The following PRRC2A variants were observed in gnomAD, a reference collection of about 807,000 sequenced individuals.
PRRC2A encodes protein PRRC2A.
A neutral mutation model predicts 224.6 loss-of-function variants in PRRC2A; 59 were observed. The observed-to-expected ratio is 0.26, with a 90% confidence interval of 0.21 to 0.33. The LOEUF (loss-of-function observed/expected upper bound fraction) is 0.33. Among genes scored for constraint, PRRC2A ranks in the 10% least tolerant of loss-of-function variants. The pLI is 1.00. For synonymous variants in PRRC2A, 1,194 were observed against 1,109.5 expected (o/e 1.08, Z -1.51); for missense variants, 3,095 against 2,880.7 (o/e 1.07, Z -1.70).
At chr6:31,626,558 G>GA (rs74270834) in intron 9 of PRRC2A, among the ~76,000 whole-genome samples, 152 of 141,536 alleles carry the variant, frequency 1.1e-3, no homozygotes, top group South Asian at 4.3e-3. Flanking sequence ...CTTTTAAAAG[G>GA]AAAAAAAAAA....
chr6:31,628,091 C>A lies in PRRC2A; in HGVS notation c.1617C>A (p.Ala539=). The change falls in exon 12 of 31, where the codon GCC becomes GCA. Residue 539 remains alanine, a synonymous_variant. Transcript: ENST00000376033. ...CTCCAGCTCCACCTCCAGCATCAGC[C>A]CCAACACCAGAGACAGAACCTGAAG... ...PAPPAPPPAS[A]PTPETEPEEP... 1.9e-6 allele frequency: 3 copies of A among 1,613,104 alleles called. No individual in the cohort carries two copies. Among genetic ancestry groups the A allele is most frequent in the Non-Finnish European group, 2.5e-6 (3 of 1,179,956 alleles).
In PRRC2A at chr6:31,627,072, T is replaced by C. The variant is rs1324302612; in HGVS notation, c.1164T>C (p.Pro388=). The change falls in exon 11 of 31, where the codon CCT becomes CCC. Residue 388 remains proline (P), a synonymous_variant. Transcript: ENST00000376033. This position sits in a 1 kb window ranked among gnomAD's most constrained non-coding sequence, Gnocchi z 5.6. ...GNSPNSEPPT[P]KTAWAETSRP... is the part of the protein sequence containing the mutation. ...CCCCCAACAGCGAACCGCCCACTCCTAAGACGGCCTGGGCAGAAACCTCTC... is the reference window on the plus strand; with the variant it reads ...CCCCCAACAGCGAACCGCCCACTCCCAAGACGGCCTGGGCAGAAACCTCTC... 6.2e-7 allele frequency: 1 copy of C among 1,614,174 alleles called. No homozygotes were observed. Among genetic ancestry groups the C allele is most frequent in the Non-Finnish European group, 8.5e-7 (1 of 1,180,030 alleles).
Position 31,632,952 on chromosome 6 carries a change from C to T in PRRC2A, c.4279C>T (p.Arg1427Ter). The change falls in exon 16 of 31, where the codon CGA becomes TGA. Residue 1427 changes from arginine (R) to a stop codon, truncating the protein, a stop_gained. Transcript: ENST00000376033. LOFTEE classifies it high-confidence loss of function. ...GGPGGRTGPGRGDKRSWPSPK... is the reference protein window; with the variant it reads ...GGPGGRTGPG The stretch of plus-strand genomic sequence containing the variant: ...TCCTGGAGGAAGGACCGGGCCAGGA[C>T]GAGGCGACAAGAGGAGCTGGCCCTC... 6.2e-7 allele frequency: 1 copy of T among 1,605,200 alleles called. No individual in the cohort carries two copies. The highest frequency in any genetic ancestry group is 8.5e-7 in the Non-Finnish European group (1 of 1,175,222).
At chr6:31,633,689 G>C in intron 17 of PRRC2A, 42 bp downstream of exon 17, 1 of 1,573,148 alleles carries the variant, frequency 6.4e-7, no homozygotes, top group Non-Finnish European at 8.6e-7. Context: ...TCCATCCCCA[G>C]AGAAGGTCAA....
chr6:31,634,277 T>G lies in PRRC2A; in HGVS notation c.4761T>G (p.Ser1587=). ...CTCATAGCTCTGGATTCTTGGGCTC[T>G]AAGCCTGAGGGCCCAGGCCCTCAGG... ...PPPHSSGFLG[S]KPEGPGPQAE... is the part of the protein sequence containing the mutation. The change falls in exon 19 of 31, where the codon TCT becomes TCG. Residue 1587 remains serine (S), a synonymous_variant. Coordinates refer to ENST00000376033, the MANE Select transcript of PRRC2A (RefSeq NM_004638.4). 1 of 1,603,904 alleles carries G rather than the reference T, an allele frequency of 6.2e-7. No individual in the cohort carries two copies. Among genetic ancestry groups the G allele is most frequent in the Non-Finnish European group, 8.5e-7 (1 of 1,177,890 alleles).
rs1362344654 is a variant in PRRC2A at position 31,636,551 on chromosome 6, T to C, written c.5877T>C (p.Thr1959=). Residue 1959 remains threonine (T), a synonymous_variant, in exon 27 of 31, where the codon ACT becomes ACC. Transcript: ENST00000376033. This position sits in a 1 kb window ranked among gnomAD's most constrained non-coding sequence, Gnocchi z 4.3. ...CATCCCCTTCGGATTTTTATTCTAC[T>C]CCTCTGCAGCCTGGTGGCCAAAGTG... ...DLPSPSDFYS[T]PLQPGGQSGF... is the part of the protein sequence containing the mutation. 2 of 1,608,974 alleles carry C rather than the reference T, an allele frequency of 1.2e-6. No homozygotes were observed.
At chr6:31,628,295 A>C in intron 12 of PRRC2A, 56 bp downstream of exon 12, 2 of 1,550,566 alleles carry the variant, frequency 1.3e-6, no homozygotes, top group Non-Finnish European at 1.7e-6. Context: ...CAAGGTGCTT[A>C]AAGGTGCAGG....
Position 31,631,914 on chromosome 6 carries a change from G to A in PRRC2A, c.3241G>A (p.Gly1081Ser), listed in dbSNP as rs1776643293. The A allele has an allele frequency of 6.2e-7, 1 of 1,612,572 alleles. No individual in the cohort carries two copies. The highest frequency in any genetic ancestry group is 8.5e-7 in the Non-Finnish European group (1 of 1,179,896). Residue 1081 changes from glycine to serine, a missense_variant, in exon 16 of 31, where the codon GGC becomes AGC. Transcript: ENST00000376033. This position sits in a 1 kb window ranked among gnomAD's most constrained non-coding sequence, Gnocchi z 4.5. ...ACCAAACCACCCTCCTGCTCCCCGAGGCCGCACTGCCAGCGAGACACGGAG... is the reference window on the plus strand; with the variant it reads ...ACCAAACCACCCTCCTGCTCCCCGAAGCCGCACTGCCAGCGAGACACGGAG... ...GGPNHPPAPR[G>S]RTASETRSEG... is the part of the protein sequence containing the mutation.
Position 31,635,588 on chromosome 6 carries a change from C to G in PRRC2A, c.5380C>G (p.Pro1794Ala), listed in dbSNP as rs775587832. 4 of 1,610,974 alleles carry G rather than the reference C, an allele frequency of 2.5e-6. No homozygotes were observed. The highest frequency in any genetic ancestry group is 1.3e-5 in the African/African-American group (1 of 75,012). The change falls in exon 24 of 31, where the codon CCT becomes GCT. Residue 1794 changes from proline to alanine, a missense_variant. Transcript: ENST00000376033. Reference sequence around the variant, plus strand: ...CGAGGCCTCTCCTTCCCAGGCCATTCCTGTATCACGAGACTGGGAGCTGCT... The same window carrying G: ...CGAGGCCTCTCCTTCCCAGGCCATTGCTGTATCACGAGACTGGGAGCTGCT... ...ELTASVTEAI[P>A]VSRDWELLPS...
rs1300950947 is a variant in PRRC2A, at chr6:31,636,031, C to T, written c.5606C>T (p.Pro1869Leu). Reference sequence around the variant, plus strand: ...AGTGGAGGCTTCCGCCCTGGGACACCCTCACTGCACCCTTACAGGTAAGAC... The same window carrying T: ...AGTGGAGGCTTCCGCCCTGGGACACTCTCACTGCACCCTTACAGGTAAGAC... ...PNSGGFRPGT[P>L]SLHPYRSQPL... Residue 1869 changes from proline to leucine, a missense_variant, in exon 25 of 31, where the codon CCC becomes CTC. By Grantham distance (98) the Pro-to-Leu change is moderately conservative (BLOSUM62 -3). Transcript: ENST00000376033. This position sits in a 1 kb window ranked among gnomAD's most constrained non-coding sequence, Gnocchi z 4.3. 5 of 1,612,494 alleles carry T rather than the reference C, an allele frequency of 3.1e-6. No homozygotes were observed. The highest frequency in any genetic ancestry group is 2.5e-6 in the Non-Finnish European group (3 of 1,178,560).
Position 31,625,433 on chromosome 6 carries a change from CCT to C in PRRC2A, c.608-20_608-19del, listed in dbSNP as rs1233900017. 1.2e-6 allele frequency: 2 copies of C among 1,604,298 alleles called. No individual in the cohort carries two copies. Among genetic ancestry groups the C allele is most frequent in the South Asian group, 2.2e-5 (2 of 90,848 alleles). On this transcript the variant is annotated intron_variant, in intron 6 of 30. Coordinates refer to ENST00000376033, the MANE Select transcript of PRRC2A (RefSeq NM_004638.4). This position sits in a 1 kb window ranked among gnomAD's most constrained non-coding sequence, Gnocchi z 4.1. ...TTCACTTGTCCTCCAATCATTGATA[CCT>C]CTCTCTACCTTTTCCAAAATACAGA... is the stretch of plus-strand genomic sequence containing the variant.
chr6:31,627,940 A>G lies in PRRC2A; in HGVS notation c.1466A>G (p.Lys489Arg), dbSNP rs758433553. The G allele has an allele frequency of 1.2e-6, 2 of 1,613,048 alleles. No homozygotes were observed. The highest frequency in any genetic ancestry group is 1.3e-5 in the African/African-American group (1 of 75,052). Reference sequence around the variant, plus strand: ...GAGCGCCGGGCAGCCTGTGCTGAGAAGCTCAAGCGACTCGATGAAAAGTTT... The same window carrying G: ...GAGCGCCGGGCAGCCTGTGCTGAGAGGCTCAAGCGACTCGATGAAAAGTTT... ...QEERRAACAE[K>R]LKRLDEKFGA... The change falls in exon 12 of 31, where the codon AAG becomes AGG. Residue 489 changes from lysine to arginine, a missense_variant. Lys to Arg is a conservative substitution (Grantham distance 26). Coordinates refer to ENST00000376033, the MANE Select transcript of PRRC2A (RefSeq NM_004638.4). The surrounding 1 kb of genome is among the most constrained non-coding windows in gnomAD (Gnocchi z 5.6).
rs151193462 is a variant in PRRC2A, at chr6:31,637,491, C to A, written c.6379C>A (p.Arg2127=). Residue 2127 remains arginine (R), a synonymous_variant, in exon 31 of 31, where the codon CGG becomes AGG. Transcript: ENST00000376033. ...GCGCTGGATACCTAAGCCTTGGGAG[C>A]GGACAGGGCCGCCACCTCGAGAAGG... ...ALRWIPKPWE[R]TGPPPREGPS... The A allele has an allele frequency of 1.3e-5, 21 of 1,570,794 alleles. No individual in the cohort carries two copies. Among genetic ancestry groups the A allele is most frequent in the Non-Finnish European group, 1.4e-5 (16 of 1,158,498 alleles).
At position 31,636,108 on chromosome 6, in the gene PRRC2A, A is replaced by T; in HGVS notation, c.5624+59A>T. On this transcript the variant is annotated intron_variant, in intron 25 of 30. Transcript: ENST00000376033. This position sits in a 1 kb window ranked among gnomAD's most constrained non-coding sequence, Gnocchi z 4.3. ...TTGGAGATGTGTTTCGGGGAGAGGGAAGGGGAAGACACAGTTCTAGGGTAC... is the reference window on the plus strand; with the variant it reads ...TTGGAGATGTGTTTCGGGGAGAGGGTAGGGGAAGACACAGTTCTAGGGTAC... 1 of 1,571,022 alleles carries T rather than the reference A, an allele frequency of 6.4e-7. No homozygotes were observed. The highest frequency in any genetic ancestry group is 8.8e-7 in the Non-Finnish European group (1 of 1,141,504).
intron 16 of PRRC2A, 122 bp from the exon 17 acceptor site, chr6:31,633,257 C>A: frequency 7.1e-7 from 1 of 1,414,844 alleles, no homozygotes; most frequent in Non-Finnish European, 9.6e-7. Context: ...CTTAGAAGGA[C>A]TCAAAAACAC....
At chr6:31,621,292 TCCC>T (rs201554983) in intron 1 of PRRC2A, among the ~76,000 whole-genome samples, 1 of 151,126 alleles carries the variant, frequency 6.6e-6, no homozygotes, top group Non-Finnish European at 1.5e-5. Flanking sequence ...AGCGCTGTGT[TCCC>T]CCCTCTGGAC....
chr6:31,633,964 C>G lies in PRRC2A; in HGVS notation c.4694C>G (p.Pro1565Arg). The G allele has an allele frequency of 1.2e-6, 2 of 1,603,690 alleles. No individual in the cohort carries two copies. The highest frequency in any genetic ancestry group is 1.3e-5 in the African/African-American group (1 of 74,228). ...PFPPKRRERP[P>R]RKPELLQEES... ...CCCCCTAAACGTCGGGAGCGGCCTC[C>G]CAGAAAACCAGAGCTGCTACAGGAG... Residue 1565 changes from proline to arginine, a missense_variant, in exon 18 of 31, where the codon CCC becomes CGC. By Grantham distance (103) the Pro-to-Arg change is moderately radical. Around this residue, in one of 8 missense-constraint regions of PRRC2A, gnomAD observed 2,001 missense variants for 1,764.9 expected, o/e 1.13. Transcript: ENST00000376033.
chr6:31,635,449 C>T lies in PRRC2A; in HGVS notation c.5357C>T (p.Thr1786Ile). ...GDSLKAEKEL[T>I]ASVTEAIPVS... ...AGCTTGAAAGCAGAGAAGGAGCTAA[C>T]AGCATCAGTCACTGAGGTAAGTGGG... The change falls in exon 23 of 31, where the codon ACA (threonine) becomes ATA (isoleucine). Residue 1786 changes from threonine to isoleucine, a missense_variant. Coordinates refer to ENST00000376033, the MANE Select transcript of PRRC2A (RefSeq NM_004638.4). 1 of 1,614,184 alleles carries T rather than the reference C, an allele frequency of 6.2e-7. No individual in the cohort carries two copies.
Position 31,633,714 on chromosome 6 carries a change from G to A in PRRC2A, c.4588+67G>A, listed in dbSNP as rs561653595. 2.1e-5 allele frequency: 32 copies of A among 1,546,450 alleles called. No individual in the cohort carries two copies. In the Admixed American group the frequency reaches 3.6e-4, roughly 17 times the overall value. On this transcript the variant is annotated intron_variant, in intron 17 of 30. Coordinates refer to ENST00000376033, the MANE Select transcript of PRRC2A (RefSeq NM_004638.4). The stretch of plus-strand genomic sequence containing the variant: ...GAGAAGGTCAAGTGCTGGAGGGAGC[G>A]GGTGGAGAACCTGGCCTAGGGACCC...
Sources: allele counts gnomAD v4.1 joint callset (sites outside exome capture counted in the v4.1 genomes callset), GRCh38; gene constraint gnomAD v4.1.1; regional missense constraint gnomAD v4.1.1; non-coding constraint Gnocchi (gnomAD v3.1); transcripts MANE v1.5; gene names NCBI Gene and HGNC (gene_info 2026-07-23, HGNC 2026-07-21).